TMEM143: variants seen among roughly 807,000 people sequenced by gnomAD.
The protein encoded by TMEM143 is transmembrane protein 143.
Under a neutral mutation model 40.3 loss-of-function variants are expected in TMEM143, and 45 were observed. The ratio of observed to expected loss-of-function variants is 1.12; its 90% CI spans 0.88 to 1.43. TMEM143 has a LOEUF of 1.43. Among genes scored for constraint, TMEM143 ranks in the 40% most tolerant of loss-of-function variants. The pLI, the probability that TMEM143 is intolerant of heterozygous loss-of-function variation, is 0.00. For missense variants in TMEM143, 620 were observed against 613.4 expected (o/e 1.01, Z -0.11); for synonymous variants, 299 against 282.7 (o/e 1.06, Z -0.58).
At chr19:48,352,247 A>AAAAAAAACAAAC (rs1969791315) in intron 3 of TMEM143, among the ~76,000 whole-genome samples, 1 of 69,764 alleles carries the variant, frequency 1.4e-5, no homozygotes, top group Admixed American at 1.9e-4. Flanking sequence ...ACTCTGTCTC[A>AAAAAAAACAAAC]AAAAAAAAAA....
At chr19:48,359,102 G>A (rs1969974979) in intron 3 of TMEM143, among the ~76,000 whole-genome samples, 3 of 152,038 alleles carry the variant, frequency 2.0e-5, no homozygotes. Flanking sequence ...TGGGGAGGCG[G>A]AGGTTTGCTG....
intron 3 of TMEM143, among the ~76,000 whole-genome samples, chr19:48,356,705 C>T (rs189764107): frequency 0.019 from 2,830 of 150,210 alleles, 81 homozygotes; most frequent in African/African-American, 0.066. Context: ...TCAAGCAATT[C>T]TCCTGCCTCA....
intron 5 of TMEM143, 86 bp downstream of exon 5, chr19:48,343,235 C>A: frequency 2.0e-6 from 3 of 1,492,342 alleles, no homozygotes; most frequent in Non-Finnish European, 2.7e-6. Flanking sequence ...GGCCCAGACA[C>A]CCAAACCAGA....
rs1159524317 is a variant in TMEM143, at chr19:48,342,457, G to C, written c.975+73C>G. ...TGACGCAGGAACAATGCATGAAACA[G>C]AGACAACTACAGGGGGCCTGACCTG... is the stretch of plus-strand genomic sequence containing the variant. On this transcript the variant is annotated intron_variant, in intron 6 of 7. Transcript: ENST00000293261. The C allele has an allele frequency of 1.0e-5, 15 of 1,491,946 alleles. No homozygotes were observed. The East Asian group carries it at 3.5e-4, about 34-fold the overall frequency. The allele number at this position is 1,491,946 out of a possible 1,614,324, so 92.4% of individuals were successfully genotyped here. A position where few individuals can be genotyped will look rare whatever the true frequency, so the allele number is the denominator to read the frequency against.
Position 48,342,707 on chromosome 19 carries a change from C to A in TMEM143, c.798G>T (p.Leu266=). 1 of 1,614,152 alleles carries A rather than the reference C, an allele frequency of 6.2e-7. No homozygotes were observed. The highest frequency in any genetic ancestry group is 8.5e-7 in the Non-Finnish European group (1 of 1,180,020). ...DTPLEGLEQL[L]PELKVRTPTL... ...TGGGCGTGCGCACCTTCAGCTCCGG[C>A]AGCAGCTGCTCCAGGCCTTCCAGCG... Residue 266 remains leucine, a synonymous_variant, in exon 6 of 8, where the codon CTG becomes CTT. Transcript: ENST00000293261.
chr19:48,334,343 G>A (rs1305736339), intron 6 of TMEM143, 146 bp from the exon 7 acceptor site: 5 of 672,502 alleles, frequency 7.4e-6, no homozygotes, highest in African/African-American at 1.9e-5. Flanking sequence ...CTTCAGTACG[G>A]GTCCCCAGAG....
intron 3 of TMEM143, among the ~76,000 whole-genome samples, chr19:48,347,400 G>A (rs975453902): frequency 6.6e-6 from 1 of 152,136 alleles, no homozygotes; most frequent in Non-Finnish European, 1.5e-5. Context: ...AAACAACTGA[G>A]CAAGGAGACT....
chr19:48,344,855 T>C (rs1374856028), intron 4 of TMEM143, among the ~76,000 whole-genome samples: 1 of 152,164 alleles, frequency 6.6e-6, no homozygotes, highest in Non-Finnish European at 1.5e-5. Flanking sequence ...TACAGGCACC[T>C]GCCACCATGC....
chr19:48,345,746 C>CAGGCATA (rs775435891), intron 3 of TMEM143, among the ~76,000 whole-genome samples: 25 of 151,842 alleles, frequency 1.6e-4, no homozygotes, highest in Non-Finnish European at 2.5e-4. Flanking sequence ...GCTAAGATTA[C>CAGGCATA]AGGCATAAGC....
At chr19:48,337,059 G>T (rs1185866177) in intron 6 of TMEM143, among the ~76,000 whole-genome samples, 1 of 151,616 alleles carries the variant, frequency 6.6e-6, no homozygotes, top group African/African-American at 2.4e-5. Flanking sequence ...AAGAAAACCT[G>T]TACCTGTACC....
chr19:48,363,712 G>C, intron 1 of TMEM143, 181 bp from the exon 2 acceptor site: 1 of 1,361,182 alleles, frequency 7.3e-7, no homozygotes, highest in Non-Finnish European at 1.0e-6. Flanking sequence ...CTGGGTCCCA[G>C]ACAGGGGTCA....
intron 4 of TMEM143, among the ~76,000 whole-genome samples, chr19:48,344,952 C>T (rs1969586148): frequency 6.6e-6 from 1 of 152,192 alleles, no homozygotes; most frequent in Admixed American, 6.5e-5. Context: ...AGGTGATCCA[C>T]CCACCTTGGA....
intron 6 of TMEM143, among the ~76,000 whole-genome samples, chr19:48,341,571 A>T (rs910245192): frequency 4.6e-5 from 7 of 152,192 alleles, no homozygotes; most frequent in Middle Eastern, 3.4e-3. Context: ...GCTAACTCTC[A>T]CATAGCACCT....
chr19:48,363,277 G>A lies in TMEM143; in HGVS notation c.264+14C>T, dbSNP rs1970096753. ...CCGTAGTCCCCAGGCTCTTGGGCCT[G>A]GGACAGGCGGTACCTGTATTAGGAG... On this transcript the variant is annotated intron_variant, in intron 2 of 7. Coordinates refer to ENST00000293261, the MANE Select transcript of TMEM143 (RefSeq NM_018273.4). 6.2e-7 allele frequency: 1 copy of A among 1,607,414 alleles called. No homozygotes were observed. Among genetic ancestry groups the A allele is most frequent in the Non-Finnish European group, 8.5e-7 (1 of 1,176,372 alleles).
At chr19:48,362,154 TTGTG>T (rs1011245820) in intron 2 of TMEM143, among the ~76,000 whole-genome samples, 12 of 144,958 alleles carry the variant, frequency 8.3e-5, no homozygotes, top group South Asian at 2.1e-4. Context: ...ATGCATATAC[TTGTG>T]TGTATTTGTG....
At chr19:48,351,736 T>C (rs547578531) in intron 3 of TMEM143, among the ~76,000 whole-genome samples, 46 of 152,200 alleles carry the variant, frequency 3.0e-4, no homozygotes, top group African/African-American at 1.1e-3. Flanking sequence ...CTTGCTCCCC[T>C]CTCCTTCAGG....
chr19:48,341,945 T>TA (rs1224458781), intron 6 of TMEM143, among the ~76,000 whole-genome samples: 1 of 151,734 alleles, frequency 6.6e-6, no homozygotes, highest in Middle Eastern at 3.2e-3. Context: ...CAGATCTCGC[T>TA]ATCATCCCCA....
At chr19:48,339,328 G>A (rs1337579869) in intron 6 of TMEM143, among the ~76,000 whole-genome samples, 1 of 152,168 alleles carries the variant, frequency 6.6e-6, no homozygotes, top group African/African-American at 2.4e-5. Context: ...CAGCCGGGAG[G>A]CTGAGCCTGG....
intron 1 of TMEM143, 72 bp downstream of exon 1, chr19:48,363,826 T>G (rs1258569716): frequency 1.6e-5 from 26 of 1,606,268 alleles, no homozygotes; most frequent in Non-Finnish European, 2.2e-5. Flanking sequence ...GAGCAGGAAA[T>G]GCTCGTAAAG....
Sources: allele counts gnomAD v4.1 joint callset (sites outside exome capture counted in the v4.1 genomes callset), GRCh38; gene constraint gnomAD v4.1.1; transcripts MANE v1.5; gene names NCBI Gene and HGNC (gene_info 2026-07-23, HGNC 2026-07-21).